The following CD38 variants were observed in gnomAD, a reference collection of about 807,000 sequenced individuals.
CD38 encodes ADP-ribosyl cyclase/cyclic ADP-ribose hydrolase 1.
Under a neutral mutation model 36.3 loss-of-function variants are expected in CD38, and 31 were observed. The observed-to-expected ratio is 0.85, with a 90% confidence interval of 0.64 to 1.15. The LOEUF is 1.15. Ranked by LOEUF, CD38 falls within the 50% of genes most tolerant of loss-of-function variation. CD38 has a pLI of 0.00. For missense variants in CD38, 380 were observed against 371.9 expected, an observed-to-expected ratio of 1.02 and a Z score of -0.18; for synonymous variants, 131 against 135.2, an observed-to-expected ratio of 0.97 and a Z score of 0.22.
At chr4:15,790,411 C>T (rs1270963566) in intron 1 of CD38, among the ~76,000 whole-genome samples, 5 of 152,012 alleles carry the variant, frequency 3.3e-5, no homozygotes, top group African/African-American at 4.8e-5. Context: ...CTCCTGACCG[C>T]GAGTGATCCG....
chr4:15,780,536 A>ACACACACACACACACACACACG lies in CD38; in HGVS notation c.233+1910_233+1911insGCACACACACACACACACACAC, dbSNP rs1560303844. Among the ~76,000 whole-genome samples, 172 of 148,794 alleles carry ACACACACACACACACACACACG rather than the reference A, an allele frequency of 1.2e-3. 2 individuals are homozygous for ACACACACACACACACACACACG. The highest frequency in any genetic ancestry group is 4.2e-3 in the African/African-American group (169 of 39,930). ...CTCTCTCTCACACACACACACACAC[A>ACACACACACACACACACACACG]CACACACACACACACACACACACAC... On this transcript the variant is annotated intron_variant, in intron 1 of 7. Transcript: ENST00000226279.
intron 1 of CD38, among the ~76,000 whole-genome samples, chr4:15,797,663 G>C (rs1211218702): frequency 6.6e-6 from 1 of 152,100 alleles, no homozygotes; most frequent in South Asian, 2.1e-4. Flanking sequence ...CAGAAGGGTC[G>C]GTGCCTTCTG....
chr4:15,830,556 GTTGA>G (rs1327218576), intron 3 of CD38, among the ~76,000 whole-genome samples: 3 of 152,036 alleles, frequency 2.0e-5, no homozygotes, highest in Non-Finnish European at 4.4e-5. Context: ...TCTTCACTTT[GTTGA>G]TTGTTTCCTT....
chr4:15,810,272 C>A (rs145112525), intron 1 of CD38, among the ~76,000 whole-genome samples: 4 of 152,128 alleles, frequency 2.6e-5, no homozygotes, highest in Non-Finnish European at 5.9e-5. Flanking sequence ...CTCTGTGGGA[C>A]TCAATAAAAG....
intron 4 of CD38, among the ~76,000 whole-genome samples, chr4:15,835,158 AAC>A (rs1397997909): frequency 6.6e-6 from 1 of 151,980 alleles, no homozygotes. Context: ...TGTATCTTTT[AAC>A]AAATCTCTAC....
chr4:15,806,511 A>G (rs1723344466), intron 1 of CD38, among the ~76,000 whole-genome samples: 1 of 152,210 alleles, frequency 6.6e-6, no homozygotes, highest in Admixed American at 6.5e-5. Flanking sequence ...TATGAGATTT[A>G]AATGGCAGGT....
intron 1 of CD38, among the ~76,000 whole-genome samples, chr4:15,809,974 T>C (rs1296330676): frequency 1.3e-5 from 2 of 152,136 alleles, no homozygotes; most frequent in Non-Finnish European, 2.9e-5. Context: ...ATAAAATAAA[T>C]AGTTTCATAA....
intron 1 of CD38, among the ~76,000 whole-genome samples, chr4:15,803,700 C>T (rs894348950): frequency 4.6e-5 from 7 of 152,138 alleles, no homozygotes; most frequent in African/African-American, 1.7e-4. Flanking sequence ...GTTACATGTG[C>T]AGGTGTATTG....
At chr4:15,792,437 T>TGAAACAAAAAAAAAAAAAAAAAAA (rs1723022040) in intron 1 of CD38, among the ~76,000 whole-genome samples, 2 of 134,956 alleles carry the variant, frequency 1.5e-5, no homozygotes, top group African/African-American at 5.9e-5. Context: ...TAAAATAAAA[T>TGAAACAAAAAAAAAAAAAAAAAAA]AAAAAAAAGG....
At chr4:15,828,493 CT>C (rs749276842) in intron 3 of CD38, among the ~76,000 whole-genome samples, 57 of 152,316 alleles carry the variant, frequency 3.7e-4, no homozygotes, top group Admixed American at 1.8e-3. Context: ...CTTCCAACTT[CT>C]GGTCTCTGTA....
chr4:15,816,193 G>C (rs1723590488), intron 1 of CD38, among the ~76,000 whole-genome samples: 1 of 152,090 alleles, frequency 6.6e-6, no homozygotes, highest in Non-Finnish European at 1.5e-5. Context: ...TTTTTGCATC[G>C]ATGTTCATCA....
At chr4:15,803,418 T>A (rs1487274374) in intron 1 of CD38, among the ~76,000 whole-genome samples, 1 of 152,166 alleles carries the variant, frequency 6.6e-6, no homozygotes, top group Non-Finnish European at 1.5e-5. Context: ...TACAAGGAAC[T>A]TAACAGCAAA....
At chr4:15,784,734 A>G (rs1373263807) in intron 1 of CD38, among the ~76,000 whole-genome samples, 1 of 152,128 alleles carries the variant, frequency 6.6e-6, no homozygotes, top group Non-Finnish European at 1.5e-5. Flanking sequence ...GGCTTCCTTC[A>G]GTCCTACCTT....
Position 15,852,434 on chromosome 4 carries a change from CA to C in CD38, c.*3833del, listed in dbSNP as rs1460007087. 2 of 152,128 alleles carry C rather than the reference CA, an allele frequency of 1.3e-5. No homozygotes were observed. The highest frequency in any genetic ancestry group is 2.9e-5 in the Non-Finnish European group (2 of 68,018). The allele number at this position is 152,128 out of a possible 1,614,324, so 9.4% of individuals were successfully genotyped here. On this transcript the variant is annotated 3_prime_UTR_variant, in exon 8 of 8. Coordinates refer to ENST00000226279, the MANE Select transcript of CD38 (RefSeq NM_001775.4). ...TAACTTAAGTTTCTCAGGAAGATTCCATACTGCACAGAAAACTGCTTTTGTG... is the reference window on the plus strand; with the variant it reads ...TAACTTAAGTTTCTCAGGAAGATTCCTACTGCACAGAAAACTGCTTTTGTG...
rs1478744521 is a variant in CD38 at position 15,849,345 on chromosome 4, A to C, written c.*743A>C. 6.6e-6 allele frequency: 1 copy of C among 152,230 alleles called. No homozygotes were observed. The highest frequency in any genetic ancestry group is 1.9e-4 in the East Asian group (1 of 5,200). The allele number at this position is 152,230 out of a possible 1,614,324, so 9.4% of individuals were successfully genotyped here. On this transcript the variant is annotated 3_prime_UTR_variant, in exon 8 of 8. Coordinates refer to ENST00000226279, the MANE Select transcript of CD38 (RefSeq NM_001775.4). ...ACATTTAGTATCAAGCTAGAGACTG[A>C]ATTTGAACTCAACTCTGTCCAACTC...
chr4:15,784,862 C>T (rs1722776577), intron 1 of CD38, among the ~76,000 whole-genome samples: 1 of 152,056 alleles, frequency 6.6e-6, no homozygotes, highest in South Asian at 2.1e-4. Flanking sequence ...TTGAGACCAT[C>T]CTGGCAAACA....
chr4:15,825,119 G>A (rs189626820), intron 3 of CD38, 103 bp downstream of exon 3: 2 of 1,169,310 alleles, frequency 1.7e-6, no homozygotes, highest in East Asian at 2.6e-5. Context: ...AGAGCCACAG[G>A]CACCCATCCT....
chr4:15,789,587 G>A lies in CD38; in HGVS notation c.233+10940G>A, dbSNP rs535481526. On this transcript the variant is annotated intron_variant, in intron 1 of 7. Coordinates refer to ENST00000226279, the MANE Select transcript of CD38 (RefSeq NM_001775.4). ...AACTCATGTTTGAAATGTAATCCCA[G>A]AAGTGGCAGGATGAGAGATTGGCCC... is the stretch of plus-strand genomic sequence containing the variant. Among the ~76,000 whole-genome samples, 164 of 152,304 alleles carry A rather than the reference G, an allele frequency of 1.1e-3. 1 individual carries two copies. The highest frequency in any genetic ancestry group is 3.8e-3 in the African/African-American group (160 of 41,576).
At chr4:15,806,012 C>T (rs1723332900) in intron 1 of CD38, among the ~76,000 whole-genome samples, 1 of 152,152 alleles carries the variant, frequency 6.6e-6, no homozygotes, top group African/African-American at 2.4e-5. Context: ...GAGAGGGACA[C>T]ATTATGAAGG....
Sources: gnomAD v4.1 joint callset for allele counts (sites outside exome capture counted in the v4.1 genomes callset) on GRCh38, gnomAD v4.1.1 for gene constraint, MANE v1.5 for transcripts, NCBI Gene and HGNC (gene_info 2026-07-23, HGNC 2026-07-21) for gene names.